CTNND2: variants seen among roughly 807,000 people sequenced by gnomAD.
CTNND2 encodes catenin delta 2, also known as catenin delta-2.
Under a neutral mutation model 144.4 loss-of-function variants are expected in CTNND2, and 22 were observed. That is an observed-to-expected ratio of 0.15 (90% CI 0.11 to 0.22). The LOEUF (loss-of-function observed/expected upper bound fraction) is 0.22. Among genes scored for constraint, CTNND2 ranks in the 10% least tolerant of loss-of-function variants. CTNND2 has a pLI of 1.00. For synonymous variants in CTNND2, 751 were observed against 695.6 expected, an observed-to-expected ratio of 1.08 and a Z score of -1.25; for missense variants, 1,353 against 1,618.8, an observed-to-expected ratio of 0.84 and a Z score of 2.82.
At chr5:11,494,663 T>C (rs1297923774) in intron 3 of CTNND2, among the ~76,000 whole-genome samples, 1 of 152,160 alleles carries the variant, frequency 6.6e-6, no homozygotes, top group Admixed American at 6.5e-5. Context: ...CTTATTTGGA[T>C]GGCTCCCAAT....
chr5:11,630,814 C>T (rs956181557), intron 2 of CTNND2, among the ~76,000 whole-genome samples: 1 of 151,832 alleles, frequency 6.6e-6, no homozygotes, highest in African/African-American at 2.4e-5. Context: ...ATTAGCCAGG[C>T]GTGGTGGTGG....
chr5:11,328,207 CT>C (rs1358796574), intron 9 of CTNND2, among the ~76,000 whole-genome samples: 1 of 151,922 alleles, frequency 6.6e-6, no homozygotes, highest in Non-Finnish European at 1.5e-5. Context: ...TTTTCTACAT[CT>C]TACACAAACC....
At chr5:11,560,739 G>A (rs1407685425) in intron 3 of CTNND2, among the ~76,000 whole-genome samples, 6 of 152,156 alleles carry the variant, frequency 3.9e-5, no homozygotes, top group African/African-American at 1.4e-4. Context: ...TGGGTCACTA[G>A]ATCCATAGGC....
At chr5:11,643,807 ATTAC>A (rs60387959) in intron 2 of CTNND2, among the ~76,000 whole-genome samples, 6,617 of 152,196 alleles carry the variant, frequency 0.043, 289 homozygotes, top group East Asian at 0.17. Context: ...ATGTTACATC[ATTAC>A]TTATTTCCTT....
chr5:11,727,666 G>A (rs1415039072), intron 2 of CTNND2, among the ~76,000 whole-genome samples: 4 of 152,226 alleles, frequency 2.6e-5, no homozygotes, highest in South Asian at 2.1e-4. Context: ...CTGACTAAAC[G>A]AATATAAACT....
chr5:11,262,485 G>A (rs553694193), intron 9 of CTNND2, among the ~76,000 whole-genome samples: 12 of 152,148 alleles, frequency 7.9e-5, no homozygotes, highest in Middle Eastern at 3.4e-3. Flanking sequence ...TGTGTTGGCC[G>A]GGCGCAGTGG....
intron 21 of CTNND2, among the ~76,000 whole-genome samples, chr5:10,977,455 GT>G (rs1404719527): frequency 6.6e-6 from 1 of 151,544 alleles, no homozygotes; most frequent in Non-Finnish European, 1.5e-5. Flanking sequence ...GCATAGTTAA[GT>G]CTTTTTTTTT....
intron 2 of CTNND2, among the ~76,000 whole-genome samples, chr5:11,701,570 A>T (rs1186678652): frequency 6.6e-6 from 1 of 152,198 alleles, no homozygotes; most frequent in East Asian, 1.9e-4. Context: ...ATTATATATG[A>T]TGAATATGTA....
At chr5:11,585,236 G>A (rs1234118350) in intron 2 of CTNND2, among the ~76,000 whole-genome samples, 1 of 152,122 alleles carries the variant, frequency 6.6e-6, no homozygotes, top group African/African-American at 2.4e-5. Context: ...CCGATGCAGA[G>A]TAAGAAGGGT....
intron 14 of CTNND2, among the ~76,000 whole-genome samples, chr5:11,106,145 T>C (rs1752407338): frequency 6.6e-6 from 1 of 152,154 alleles, no homozygotes; most frequent in South Asian, 2.1e-4. Context: ...TTAAGATAAA[T>C]TCTGGTTTGC....
chr5:11,374,167 A>T (rs1757702344), intron 7 of CTNND2, among the ~76,000 whole-genome samples: 2 of 152,256 alleles, frequency 1.3e-5, no homozygotes, highest in South Asian at 4.1e-4. Context: ...GACTGAAGCT[A>T]GGGAAAAGAC....
chr5:11,563,740 T>G (rs1183755700), intron 3 of CTNND2, among the ~76,000 whole-genome samples: 1 of 150,906 alleles, frequency 6.6e-6, no homozygotes, highest in Non-Finnish European at 1.5e-5. Flanking sequence ...GCTTTCTATT[T>G]AAAGAAAAAA....
chr5:11,182,876 C>T (rs1735234236), intron 11 of CTNND2, among the ~76,000 whole-genome samples: 1 of 152,204 alleles, frequency 6.6e-6, no homozygotes, highest in Non-Finnish European at 1.5e-5. Context: ...TTTAGGAAAG[C>T]TACCTAGAGA....
chr5:11,822,494 A>C (rs966527134), intron 1 of CTNND2, among the ~76,000 whole-genome samples: 6 of 152,150 alleles, frequency 3.9e-5, no homozygotes, highest in Admixed American at 3.9e-4. Flanking sequence ...GCAGTCTCAA[A>C]AACAGTCCCA....
At chr5:11,232,521 T>G (rs1030856627) in intron 10 of CTNND2, among the ~76,000 whole-genome samples, 2 of 152,236 alleles carry the variant, frequency 1.3e-5, no homozygotes, top group Non-Finnish European at 2.9e-5. Flanking sequence ...ATTTCGAGCT[T>G]GCATGGGGCC....
chr5:10,994,733 G>A (rs1053997653), intron 18 of CTNND2, among the ~76,000 whole-genome samples: 1 of 152,140 alleles, frequency 6.6e-6, no homozygotes, highest in Non-Finnish European at 1.5e-5. Context: ...TGAGCAGGGG[G>A]CCAGGAAGAC....
At chr5:11,554,562 G>T (rs1334943357) in intron 3 of CTNND2, among the ~76,000 whole-genome samples, 1 of 151,930 alleles carries the variant, frequency 6.6e-6, no homozygotes, top group Non-Finnish European at 1.5e-5. Context: ...AGACTTTAAA[G>T]GGTTAACGAG....
intron 1 of CTNND2, among the ~76,000 whole-genome samples, chr5:11,834,858 G>T (rs1463502308): frequency 1.3e-5 from 2 of 152,156 alleles, no homozygotes; most frequent in African/African-American, 4.8e-5. Context: ...AAAGTGGATG[G>T]AGCCAGGTAC....
At chr5:11,463,212 A>G (rs183541766) in intron 3 of CTNND2, among the ~76,000 whole-genome samples, 5 of 152,338 alleles carry the variant, frequency 3.3e-5, no homozygotes, top group Admixed American at 6.5e-5. Context: ...CATATTCATT[A>G]TGTAGAAAAC....
Sources: allele counts gnomAD v4.1 joint callset (sites outside exome capture counted in the v4.1 genomes callset), GRCh38; gene constraint gnomAD v4.1.1; transcripts MANE v1.5; gene names NCBI Gene and HGNC (gene_info 2026-07-23, HGNC 2026-07-21).